NLRP2: variants seen among roughly 807,000 people sequenced by gnomAD.
NLRP2 encodes the protein NACHT, LRR and PYD domains-containing protein 2.
A neutral mutation model predicts 97.2 loss-of-function variants in NLRP2; 107 were observed. That is an observed-to-expected ratio of 1.10 (90% CI 0.94 to 1.29). The LOEUF is 1.29. NLRP2 is among the 50% of genes most tolerant of loss of function. The pLI, the probability that NLRP2 is intolerant of heterozygous loss-of-function variation, is 0.00. For synonymous variants in NLRP2, 663 were observed against 551.5 expected, an observed-to-expected ratio of 1.20 and a Z score of -2.83; for missense variants, 1,495 against 1,330.3, an observed-to-expected ratio of 1.12 and a Z score of -1.93.
chr19:54,999,316 CTTGTATTTTTAATAGAG>C (rs1316263635), intron 12 of NLRP2, among the ~76,000 whole-genome samples: 2 of 152,050 alleles, frequency 1.3e-5, no homozygotes, highest in African/African-American at 4.8e-5. Flanking sequence ...CCTGGCTAAT[CTTGTATTTTTAATAGAG>C]ACAGGGTTTC....
Position 54,973,942 on chromosome 19 carries a change from G to A in NLRP2, c.281-558G>A, listed in dbSNP as rs1373109771. 9 of 833,276 alleles carry A rather than the reference G, an allele frequency of 1.1e-5. No individual in the cohort carries two copies. In the East Asian group the frequency reaches 2.6e-4, roughly 24 times the overall value. The allele number at this position is 833,276 out of a possible 1,614,324, so 51.6% of individuals were successfully genotyped here. A position where few individuals can be genotyped will look rare whatever the true frequency, so the allele number is the denominator to read the frequency against. On this transcript the variant is annotated intron_variant, in intron 2 of 12. Transcript: ENST00000448584. Reference sequence around the variant, plus strand: ...GGAAGTAGTGTTATGACAGGAAGCAGAGTGGCTATGGTGGGCAGACTAAGC... The same window carrying A: ...GGAAGTAGTGTTATGACAGGAAGCAAAGTGGCTATGGTGGGCAGACTAAGC...
intron 12 of NLRP2, among the ~76,000 whole-genome samples, chr19:54,999,336 AGGG>A (rs1219929394): frequency 1.3e-5 from 2 of 152,158 alleles, no homozygotes; most frequent in African/African-American, 4.8e-5. Context: ...TAATAGAGAC[AGGG>A]TTTCTCCATA....
At chr19:54,976,641 CTGGTGG>C (rs1358639313) in intron 3 of NLRP2, among the ~76,000 whole-genome samples, 1 of 151,920 alleles carries the variant, frequency 6.6e-6, no homozygotes, top group South Asian at 2.1e-4. Flanking sequence ...GCCACCTCAC[CTGGTGG>C]TGAAGACTCT....
chr19:54,991,926 T>A (rs1438947452), intron 10 of NLRP2, among the ~76,000 whole-genome samples: 1 of 55,500 alleles, frequency 1.8e-5, no homozygotes, highest in African/African-American at 5.2e-5. Flanking sequence ...TCTCTGGTAT[T>A]TTTTTTTTTT....
At chr19:54,986,446 G>T in intron 8 of NLRP2, 131 bp downstream of exon 8, 1 of 801,314 alleles carries the variant, frequency 1.2e-6, no homozygotes, top group Non-Finnish European at 2.1e-6. Context: ...AGATGACCCA[G>T]GATGCAGCAT....
intron 1 of NLRP2, 114 bp from the exon 2 acceptor site, chr19:54,969,885 G>T: frequency 1.9e-6 from 2 of 1,056,200 alleles, no homozygotes; most frequent in Non-Finnish European, 1.4e-6. Context: ...GTTTGTTCTT[G>T]AAGAAGCAGG....
chr19:54,975,838 C>G (rs953435614), intron 3 of NLRP2, among the ~76,000 whole-genome samples: 1 of 152,016 alleles, frequency 6.6e-6, no homozygotes, highest in Non-Finnish European at 1.5e-5. Context: ...GCAGCCTCAA[C>G]CTTCCAGGCT....
intron 3 of NLRP2, among the ~76,000 whole-genome samples, chr19:54,975,857 C>T (rs2071199103): frequency 1.3e-5 from 2 of 151,770 alleles, no homozygotes; most frequent in Admixed American, 1.3e-4. Context: ...CTCCAGAGAT[C>T]CTCTTACCTC....
chr19:54,970,770 C>CTTTTTTTTTTTTTTTTTTTTTCTTTTT (rs34406686), intron 2 of NLRP2, among the ~76,000 whole-genome samples: 3 of 108,472 alleles, frequency 2.8e-5, no homozygotes, highest in Admixed American at 9.7e-5. Context: ...CTACCTACTT[C>CTTTTTTTTTTTTTTTTTTTTTCTTTTT]TTTTTTTTTT....
At chr19:54,992,972 G>A (rs1447123925) in intron 10 of NLRP2, among the ~76,000 whole-genome samples, 2 of 151,966 alleles carry the variant, frequency 1.3e-5, no homozygotes, top group African/African-American at 2.4e-5. Context: ...AGGCCGGGTA[G>A]GGTCTTTGAG....
rs535843219 is a variant in NLRP2 at position 54,987,807 on chromosome 19, C to T, written c.2366+1492C>T. Among the ~76,000 whole-genome samples, 16 of 151,096 alleles carry T rather than the reference C, an allele frequency of 1.1e-4. No homozygotes were observed. The East Asian group carries it at 2.1e-3, about 20-fold the overall frequency. On this transcript the variant is annotated intron_variant, in intron 8 of 12. Transcript: ENST00000448584. ...CCTGTAATCCCAGCACTTTGGGAGGCCAAGGCAGGTGGATCACAAGGTCAG... is the reference window on the plus strand; with the variant it reads ...CCTGTAATCCCAGCACTTTGGGAGGTCAAGGCAGGTGGATCACAAGGTCAG...
chr19:54,986,166 C>T lies in NLRP2; in HGVS notation c.2217C>T (p.Ser739=). 6.2e-7 allele frequency: 1 copy of T among 1,613,234 alleles called. No homozygotes were observed. Among genetic ancestry groups the T allele is most frequent in the Non-Finnish European group, 8.5e-7 (1 of 1,179,242 alleles). ...HLQRVVFKNI[S]PADAHRNLCL... ...TTTTCCCTAGGTTCAAAAACATTTC[C>T]CCAGCTGATGCTCATCGGAACCTCT... is the stretch of plus-strand genomic sequence containing the variant. The change falls in exon 8 of 13, where the codon TCC becomes TCT. Residue 739 remains serine, a synonymous_variant. Transcript: ENST00000448584.
rs764567584 is a variant in NLRP2 at position 54,970,027 on chromosome 19, G to C, written c.12G>C (p.Ser4=). The change falls in exon 2 of 13, where the codon TCG becomes TCC. Residue 4 remains serine, a synonymous_variant. Coordinates refer to ENST00000448584, the MANE Select transcript of NLRP2 (RefSeq NM_017852.5). MVS[S]AQMGFNLQAL... ...CCACGTGGGACAAGATGGTGTCTTCGGCGCAGATGGGCTTCAACCTGCAGG... is the reference window on the plus strand; with the variant it reads ...CCACGTGGGACAAGATGGTGTCTTCCGCGCAGATGGGCTTCAACCTGCAGG... 2 of 1,613,508 alleles carry C rather than the reference G, an allele frequency of 1.2e-6. No homozygotes were observed. The highest frequency in any genetic ancestry group is 1.7e-5 in the Admixed American group (1 of 59,942).
chr19:54,969,954 G>A, intron 1 of NLRP2, 45 bp from the exon 2 acceptor site: 1 of 1,586,608 alleles, frequency 6.3e-7, no homozygotes, highest in African/African-American at 1.3e-5. Flanking sequence ...AGACAGGAGT[G>A]CTAATCACCA....
intron 9 of NLRP2, 30 bp from the exon 10 acceptor site, chr19:54,990,472 A>T (rs763861804): frequency 1.7e-5 from 28 of 1,612,838 alleles, no homozygotes; most frequent in Non-Finnish European, 2.4e-5. Flanking sequence ...GGACCTGTCA[A>T]CCGTGTTGCC....
chr19:54,968,183 G>A (rs1005221658), intron 1 of NLRP2, among the ~76,000 whole-genome samples: 1 of 151,672 alleles, frequency 6.6e-6, no homozygotes, highest in African/African-American at 2.4e-5. Flanking sequence ...CTCCCAAAGT[G>A]CTGTGATTAC....
intron 4 of NLRP2, among the ~76,000 whole-genome samples, chr19:54,979,824 T>C (rs146053994): frequency 2.6e-5 from 4 of 152,256 alleles, no homozygotes; most frequent in African/African-American, 9.6e-5. Flanking sequence ...TTGCCCAGAC[T>C]GGAGTGCAGT....
chr19:54,994,632 T>G (rs1287005196), intron 11 of NLRP2, among the ~76,000 whole-genome samples, 193 bp downstream of exon 11: 2 of 151,936 alleles, frequency 1.3e-5, no homozygotes, highest in Non-Finnish European at 2.9e-5. Context: ...TTTTTTTTCT[T>G]GAAGTTTTGC....
intron 12 of NLRP2, 52 bp downstream of exon 12, chr19:54,997,539 G>A (rs763738653): frequency 2.5e-6 from 4 of 1,593,142 alleles, no homozygotes; most frequent in Non-Finnish European, 3.4e-6. Flanking sequence ...GTAGGTTTAG[G>A]GGAAGCATAA....
Sources: gnomAD v4.1 joint callset for allele counts (sites outside exome capture counted in the v4.1 genomes callset) on GRCh38, gnomAD v4.1.1 for gene constraint, MANE v1.5 for transcripts, NCBI Gene and HGNC (gene_info 2026-07-23, HGNC 2026-07-21) for gene names.